TAFA1: variants seen among roughly 807,000 people sequenced by gnomAD.
The protein encoded by TAFA1 is TAFA chemokine like family member 1.
TAFA1 carries 4 observed loss-of-function variants against 18.5 expected under a neutral mutation model. The ratio of observed to expected loss-of-function variants is 0.22; its 90% CI spans 0.11 to 0.49. TAFA1 has a LOEUF of 0.49. TAFA1 is among the 20% of genes least tolerant of loss of function. TAFA1 has a pLI of 0.98. For missense variants in TAFA1, 147 were observed against 169.0 expected (o/e 0.87, Z 0.72); for synonymous variants, 56 against 55.2 (o/e 1.01, Z -0.06).
chr3:68,165,138 T>C (rs1440128867), intron 2 of TAFA1, among the ~76,000 whole-genome samples: 2 of 152,214 alleles, frequency 1.3e-5, no homozygotes, highest in African/African-American at 4.8e-5. Flanking sequence ...GTTTTGTGCA[T>C]GGAGAACTAT....
chr3:68,359,384 T>G (rs1295409911), intron 2 of TAFA1, among the ~76,000 whole-genome samples: 1 of 152,144 alleles, frequency 6.6e-6, no homozygotes, highest in Non-Finnish European at 1.5e-5. Flanking sequence ...CAGATAGAAT[T>G]AAGCCTGCTA....
intron 2 of TAFA1, among the ~76,000 whole-genome samples, chr3:68,367,271 A>C (rs551878881): frequency 5.9e-5 from 9 of 152,208 alleles, no homozygotes; most frequent in African/African-American, 2.2e-4. Context: ...ATTCTTGTAA[A>C]TGACAGTGTC....
intron 2 of TAFA1, among the ~76,000 whole-genome samples, chr3:68,160,164 A>G (rs1405395193): frequency 2.0e-5 from 3 of 152,248 alleles, no homozygotes; most frequent in Non-Finnish European, 4.4e-5. Flanking sequence ...GAATAAATGA[A>G]GTAACTTGCC....
chr3:68,334,447 AG>A (rs2068936541), intron 2 of TAFA1, among the ~76,000 whole-genome samples: 1 of 152,302 alleles, frequency 6.6e-6, no homozygotes, highest in Admixed American at 6.5e-5. Context: ...CAGTAGGGAA[AG>A]CTAGATCTTT....
intron 3 of TAFA1, among the ~76,000 whole-genome samples, chr3:68,481,948 A>G (rs1478608123): frequency 6.6e-6 from 1 of 152,182 alleles, no homozygotes; most frequent in Non-Finnish European, 1.5e-5. Flanking sequence ...TTCTCCCAAG[A>G]CACAACTTTT....
chr3:68,409,801 G>A (rs1023665896), intron 2 of TAFA1, among the ~76,000 whole-genome samples: 11 of 152,078 alleles, frequency 7.2e-5, no homozygotes, highest in Admixed American at 6.6e-4. Flanking sequence ...CAGTTGGTTG[G>A]TATGAGCTAT....
intron 2 of TAFA1, among the ~76,000 whole-genome samples, chr3:68,119,476 G>A (rs1219963535): frequency 1.3e-5 from 2 of 151,904 alleles, no homozygotes; most frequent in Non-Finnish European, 2.9e-5. Flanking sequence ...ATGTCAAGAA[G>A]ATTTCCCCTA....
At chr3:68,426,246 A>C (rs960696959) in intron 3 of TAFA1, among the ~76,000 whole-genome samples, 1 of 151,958 alleles carries the variant, frequency 6.6e-6, no homozygotes, top group African/African-American at 2.4e-5. Flanking sequence ...CAAAGAAAGG[A>C]TAAAAATTAA....
chr3:68,308,908 A>T (rs568454571), intron 2 of TAFA1, among the ~76,000 whole-genome samples: 1 of 152,154 alleles, frequency 6.6e-6, no homozygotes, highest in Non-Finnish European at 1.5e-5. Flanking sequence ...AGCTTGAATG[A>T]TCTTCTTCCT....
At chr3:68,031,635 A>G (rs1704937061) in intron 2 of TAFA1, among the ~76,000 whole-genome samples, 1 of 152,184 alleles carries the variant, frequency 6.6e-6, no homozygotes, top group African/African-American at 2.4e-5. Flanking sequence ...CAGGCTTGCC[A>G]TAAATCCCAA....
intron 2 of TAFA1, among the ~76,000 whole-genome samples, chr3:68,035,767 A>C (rs1390561098): frequency 6.6e-6 from 1 of 152,218 alleles, no homozygotes; most frequent in African/African-American, 2.4e-5. Flanking sequence ...CTAGGAACTG[A>C]AGACACTCCA....
At chr3:67,998,291 T>C in the TAFA1 span, among the ~76,000 whole-genome samples, 1 of 152,236 alleles carries the variant, frequency 6.6e-6, no homozygotes, top group African/African-American at 2.4e-5. Flanking sequence ...CAAAGTCCTT[T>C]AGTCCTAAAA....
chr3:68,057,974 C>G (rs185802345), intron 2 of TAFA1, among the ~76,000 whole-genome samples: 2 of 152,330 alleles, frequency 1.3e-5, no homozygotes, highest in Admixed American at 1.3e-4. Context: ...TTTCAGACTT[C>G]TGATCTCACT....
intron 3 of TAFA1, among the ~76,000 whole-genome samples, chr3:68,483,609 C>T (rs1250393863): frequency 6.6e-6 from 1 of 152,080 alleles, no homozygotes; most frequent in Non-Finnish European, 1.5e-5. Context: ...ATGCTAGTTG[C>T]AATAAAGAAG....
intron 3 of TAFA1, among the ~76,000 whole-genome samples, chr3:68,480,331 A>C (rs1042992307): frequency 5.3e-5 from 8 of 151,942 alleles, no homozygotes; most frequent in African/African-American, 1.9e-4. Context: ...TGAACCTGGG[A>C]GGCGGAGGTT....
At chr3:68,121,997 C>T (rs2065405212) in intron 2 of TAFA1, among the ~76,000 whole-genome samples, 1 of 152,210 alleles carries the variant, frequency 6.6e-6, no homozygotes, top group Non-Finnish European at 1.5e-5. Context: ...CAAAACAAAG[C>T]ACTCTGCTAG....
At chr3:68,367,187 C>A (rs1235648047) in intron 2 of TAFA1, among the ~76,000 whole-genome samples, 4 of 152,140 alleles carry the variant, frequency 2.6e-5, no homozygotes, top group East Asian at 1.9e-4. Context: ...CCACCTGAAG[C>A]TTTAAGTGGG....
intron 2 of TAFA1, among the ~76,000 whole-genome samples, chr3:68,326,971 C>T (rs573723839): frequency 2.2e-4 from 34 of 152,216 alleles, no homozygotes; most frequent in African/African-American, 7.5e-4. Flanking sequence ...ATTGTAGCTC[C>T]CGTAATTCCA....
intron 2 of TAFA1, among the ~76,000 whole-genome samples, chr3:68,200,673 T>G (rs1015367212): frequency 1.4e-4 from 21 of 151,684 alleles, no homozygotes; most frequent in African/African-American, 5.1e-4. Context: ...ATCTGTAGCA[T>G]GTACTAATAT....
Sources: allele counts gnomAD v4.1 joint callset (sites outside exome capture counted in the v4.1 genomes callset), GRCh38; gene constraint gnomAD v4.1.1; transcripts MANE v1.5; gene names NCBI Gene and HGNC (gene_info 2026-07-23, HGNC 2026-07-21).